POP1: variants seen among roughly 807,000 people sequenced by gnomAD.
POP1 encodes the protein POP1 ribonuclease P/MRP subunit.
Under a neutral mutation model 102.2 loss-of-function variants are expected in POP1, and 75 were observed. That is an observed-to-expected ratio of 0.73 (90% CI 0.61 to 0.89). POP1 has a LOEUF of 0.89. POP1 is among the 40% of genes least tolerant of loss of function. The pLI, the probability that POP1 is intolerant of heterozygous loss-of-function variation, is 0.00. For missense variants in POP1, 1,116 were observed against 1,267.4 expected (o/e 0.88, Z 1.81); for synonymous variants, 436 against 464.1 (o/e 0.94, Z 0.78).
At chr8:98,150,355 C>T in intron 13 of POP1, 130 bp from the exon 14 acceptor site, 2 of 937,336 alleles carry the variant, frequency 2.1e-6, no homozygotes, top group South Asian at 2.7e-5. Flanking sequence ...GCATGGTAAT[C>T]CATTGTGTGT....
rs28556674 is a variant in POP1, at chr8:98,123,559, A to C, written c.142+80A>C. 90 of 1,344,826 alleles carry C rather than the reference A, an allele frequency of 6.7e-5. 1 individual carries two copies. In the South Asian group the frequency reaches 1.0e-3, roughly 16 times the overall value. The allele number at this position is 1,344,826 out of a possible 1,614,324, so 83.3% of individuals were successfully genotyped here. On this transcript the variant is annotated intron_variant, in intron 2 of 15. Coordinates refer to ENST00000401707, the MANE Select transcript of POP1 (RefSeq NM_001145860.2). ...TTTGGGAGGCTGAAGTGGGCGGTTC[A>C]TGAGGTCAAGAGATCAAGACCATCC...
rs1029037455 is a variant in POP1, at chr8:98,127,444, T to G, written c.143-151T>G. The G allele has an allele frequency of 2.7e-5, 24 of 889,474 alleles. No individual in the cohort carries two copies. The East Asian group carries it at 4.8e-4, about 18-fold the overall frequency. The allele number at this position is 889,474 out of a possible 1,614,324, so 55.1% of individuals were successfully genotyped here. On this transcript the variant is annotated intron_variant, in intron 2 of 15. Coordinates refer to ENST00000401707, the MANE Select transcript of POP1 (RefSeq NM_001145860.2). ...AGTTAATTCACCTTCCTACGTAAGA[T>G]TCCTCTTTAAAAATAAGTAGTAATA...
intron 1 of POP1, among the ~76,000 whole-genome samples, chr8:98,122,742 C>T (rs1331876165): frequency 3.3e-5 from 5 of 152,016 alleles, no homozygotes; most frequent in Non-Finnish European, 4.4e-5. Flanking sequence ...GGGTATGTCT[C>T]GATATGTGTC....
At chr8:98,152,217 T>C (rs1431835143) in intron 14 of POP1, among the ~76,000 whole-genome samples, 1 of 152,248 alleles carries the variant, frequency 6.6e-6, no homozygotes, top group Non-Finnish European at 1.5e-5. Flanking sequence ...AAAATAATAC[T>C]TATTTCTTAC....
chr8:98,138,863 T>TTTTG lies in POP1; in HGVS notation c.1363-1210_1363-1207dup, dbSNP rs1816626020. ...TTATGATTGCTTTTTTTTTTTTTTT[T>TTTTG]TTTGTTTGAGACAGAGCCTCACTCT... On this transcript the variant is annotated intron_variant, in intron 9 of 15. Transcript: ENST00000401707. Among the ~76,000 whole-genome samples the TTTTG allele has an allele frequency of 6.7e-5, 10 of 149,316 alleles. No homozygotes were observed. The South Asian group carries it at 1.9e-3, about 29-fold the overall frequency.
At chr8:98,133,272 A>G (rs1816435981) in intron 5 of POP1, among the ~76,000 whole-genome samples, 1 of 152,112 alleles carries the variant, frequency 6.6e-6, no homozygotes, top group South Asian at 2.1e-4. Context: ...GGATACTATA[A>G]CTATTGAAAC....
rs1019634199 is a variant in POP1, at chr8:98,123,570, A to C, written c.142+91A>C. 1.4e-5 allele frequency: 16 copies of C among 1,145,078 alleles called. No individual in the cohort carries two copies. In the South Asian group the frequency reaches 1.8e-4, roughly 13 times the overall value. The allele number at this position is 1,145,078 out of a possible 1,614,324, so 70.9% of individuals were successfully genotyped here. A position where few individuals can be genotyped will look rare whatever the true frequency, so the allele number is the denominator to read the frequency against. On this transcript the variant is annotated intron_variant, in intron 2 of 15. Transcript: ENST00000401707. ...GAAGTGGGCGGTTCATGAGGTCAAG[A>C]GATCAAGACCATCCTGGCCAACATG...
chr8:98,128,378 T>A lies in POP1; in HGVS notation c.324T>A (p.Ala108=). The A allele has an allele frequency of 1.2e-6, 2 of 1,614,082 alleles. No homozygotes were observed. The highest frequency in any genetic ancestry group is 2.2e-5 in the South Asian group (2 of 91,076). ...IPKYITASTF[A]QARAAEISAM... The stretch of plus-strand genomic sequence containing the variant: ...CTCCTTCAACAGCTTCTACTTTTGC[T>A]CAAGCACGAGCTGCTGAAATCAGTG... The change falls in exon 4 of 16, where the codon GCT becomes GCA. Residue 108 remains alanine (A), a synonymous_variant. Coordinates refer to ENST00000401707, the MANE Select transcript of POP1 (RefSeq NM_001145860.2).
chr8:98,149,616 G>A (rs1480622726), intron 13 of POP1, among the ~76,000 whole-genome samples: 1 of 152,066 alleles, frequency 6.6e-6, no homozygotes, highest in East Asian at 1.9e-4. Flanking sequence ...AACTAGCTGG[G>A]TGTGGTGGTG....
intron 7 of POP1, among the ~76,000 whole-genome samples, chr8:98,135,843 G>A (rs1386764714): frequency 6.6e-6 from 1 of 151,824 alleles, no homozygotes; most frequent in Non-Finnish European, 1.5e-5. Flanking sequence ...TAGACTACAG[G>A]GGTGCACCAC....
In POP1 at chr8:98,158,555, G is replaced by T; in HGVS notation, c.*284G>T. 1 of 353,778 alleles carries T rather than the reference G, an allele frequency of 2.8e-6. No individual in the cohort carries two copies. The highest frequency in any genetic ancestry group is 3.4e-5 in the South Asian group (1 of 29,428). The allele number at this position is 353,778 out of a possible 1,614,324, so 21.9% of individuals were successfully genotyped here. A position where few individuals can be genotyped will look rare whatever the true frequency, so the allele number is the denominator to read the frequency against. On this transcript the variant is annotated 3_prime_UTR_variant, in exon 16 of 16. Coordinates refer to ENST00000401707, the MANE Select transcript of POP1 (RefSeq NM_001145860.2). The stretch of plus-strand genomic sequence containing the variant: ...TAGTTGTGGCTGAAAATAATGAGAA[G>T]CTCTACGAGTTATCATCCCCTTTTT...
chr8:98,120,894 C>T (rs1815999205), intron 1 of POP1, among the ~76,000 whole-genome samples: 1 of 152,172 alleles, frequency 6.6e-6, no homozygotes. Flanking sequence ...GATCCTTCTG[C>T]CTCGGCCTTC....
chr8:98,121,052 G>A (rs533810817), intron 1 of POP1, among the ~76,000 whole-genome samples: 1 of 152,278 alleles, frequency 6.6e-6, no homozygotes, highest in African/African-American at 2.4e-5. Flanking sequence ...CATAGTGCTG[G>A]GATTACAGGC....
rs558920469 is a variant in POP1, at chr8:98,148,719, G to C, written c.1711-96G>C. On this transcript the variant is annotated intron_variant, in intron 12 of 15. Coordinates refer to ENST00000401707, the MANE Select transcript of POP1 (RefSeq NM_001145860.2). ...ACGTTTTTCTCTTGCTTTTTTAAAA[G>C]AGCATTTAATTTTCTAAAGCTGCTT... The C allele has an allele frequency of 2.5e-5, 26 of 1,047,784 alleles. No individual in the cohort carries two copies. In the South Asian group the frequency reaches 3.7e-4, roughly 15 times the overall value. The allele number at this position is 1,047,784 out of a possible 1,614,324, so 64.9% of individuals were successfully genotyped here.
intron 2 of POP1, among the ~76,000 whole-genome samples, chr8:98,126,740 G>A (rs969860789): frequency 6.6e-6 from 1 of 152,092 alleles, no homozygotes; most frequent in Non-Finnish European, 1.5e-5. Flanking sequence ...TGTGCAAAAA[G>A]TTTCATGCAC....
chr8:98,128,418 G>A lies in POP1; in HGVS notation c.364G>A (p.Val122Met), dbSNP rs1285221813. Residue 122 changes from valine (V) to methionine (M), a missense_variant, in exon 4 of 16, where the codon GTG becomes ATG. By Grantham distance (21) the Val-to-Met change is conservative. Transcript: ENST00000401707. ...TGAAATCAGTGCTATGTTAAAAGCTGTGACCCAGAAGTCTTCGAATTCACT... is the reference window on the plus strand; with the variant it reads ...TGAAATCAGTGCTATGTTAAAAGCTATGACCCAGAAGTCTTCGAATTCACT... The part of the protein sequence containing the change: ...AAEISAMLKA[V>M]TQKSSNSLVF... 1.2e-6 allele frequency: 2 copies of A among 1,614,136 alleles called. No homozygotes were observed. The highest frequency in any genetic ancestry group is 8.5e-7 in the Non-Finnish European group (1 of 1,180,018).
intron 2 of POP1, among the ~76,000 whole-genome samples, chr8:98,124,120 ACAGTGCAGGAAGCTC>A (rs779352836): frequency 5.3e-5 from 8 of 152,186 alleles, no homozygotes; most frequent in Non-Finnish European, 1.2e-4. Flanking sequence ...GCAGGGCAGT[ACAGTGCAGGAAGCTC>A]CAGCTCTCCT....
chr8:98,129,582 T>C (rs1169626329), intron 4 of POP1, among the ~76,000 whole-genome samples: 1 of 152,248 alleles, frequency 6.6e-6, no homozygotes, highest in Non-Finnish European at 1.5e-5. Context: ...CTTAAGTTTT[T>C]GGTTTTAGTT....
At chr8:98,133,889 CTTAGCAGT>C in intron 5 of POP1, 52 bp from the exon 6 acceptor site, 1 of 1,274,380 alleles carries the variant, frequency 7.8e-7, no homozygotes, top group African/African-American at 1.5e-5. Flanking sequence ...CTTTTGGCTT[CTTAGCAGT>C]TTTGCCTGTG....
Sources: gnomAD v4.1 joint callset for allele counts (sites outside exome capture counted in the v4.1 genomes callset) on GRCh38, gnomAD v4.1.1 for gene constraint, MANE v1.5 for transcripts, NCBI Gene and HGNC (gene_info 2026-07-23, HGNC 2026-07-21) for gene names.